WT1: variants seen among roughly 807,000 people sequenced by gnomAD.
WT1 encodes the protein WT1 transcription factor.
Under a neutral mutation model 60.8 loss-of-function variants are expected in WT1, and 8 were observed. That is an observed-to-expected ratio of 0.13 (90% CI 0.08 to 0.24). The LOEUF (loss-of-function observed/expected upper bound fraction) is 0.24. Among genes scored for constraint, WT1 ranks in the 10% least tolerant of loss-of-function variants. The pLI, the probability that WT1 is intolerant of heterozygous loss-of-function variation, is 1.00. For synonymous variants in WT1, 312 were observed against 297.1 expected (o/e 1.05, Z -0.52); for missense variants, 568 against 711.8 (o/e 0.80, Z 2.30).
intron 3 of WT1, among the ~76,000 whole-genome samples, chr11:32,419,229 G>A (rs922237632): frequency 2.6e-5 from 4 of 152,150 alleles, no homozygotes; most frequent in South Asian, 2.1e-4. Context: ...ATTTACCACA[G>A]GAGAGTTTCT....
chr11:32,427,267 G>C (rs2133069445), intron 3 of WT1, among the ~76,000 whole-genome samples: 1 of 152,378 alleles, frequency 6.6e-6, no homozygotes, highest in South Asian at 2.1e-4. Flanking sequence ...ATTTGGGGGA[G>C]AGAAGGTGGA....
At chr11:32,410,173 C>T (rs1852451437) in intron 5 of WT1, among the ~76,000 whole-genome samples, 1 of 152,120 alleles carries the variant, frequency 6.6e-6, no homozygotes, top group Non-Finnish European at 1.5e-5. Context: ...TCAAGTGATC[C>T]ACCTGCCTCG....
At chr11:32,389,842 G>A (rs1851766230) in intron 9 of WT1, among the ~76,000 whole-genome samples, 1 of 152,008 alleles carries the variant, frequency 6.6e-6, no homozygotes, top group Non-Finnish European at 1.5e-5. Context: ...AAAAGATTGA[G>A]GCTTCTCCAC....
chr11:32,399,972 C>T lies in WT1; in HGVS notation c.1089G>A (p.Thr363=), dbSNP rs1564975679. 6.2e-7 allele frequency: 1 copy of T among 1,614,150 alleles called. No individual in the cohort carries two copies. The highest frequency in any genetic ancestry group is 2.2e-5 in the East Asian group (1 of 44,884). The change falls in exon 6 of 10, where the codon ACG becomes ACA. Residue 363 remains threonine (T), a synonymous_variant. Transcript: ENST00000452863. ...CCTGAATGCCTCTGAAGACACCGTG[C>T]GTGTGTATTCTGTATTGGGCTCCGC...
intron 5 of WT1, among the ~76,000 whole-genome samples, chr11:32,404,252 G>C (rs10835900): frequency 0.29 from 40,075 of 137,334 alleles, 6,360 homozygotes; most frequent in East Asian, 0.69. Context: ...CTGGGCGACA[G>C]AGCAAGACTC....
At chr11:32,431,605 T>A (rs1853314475) in intron 1 of WT1, among the ~76,000 whole-genome samples, 1 of 38,736 alleles carries the variant, frequency 2.6e-5, no homozygotes, top group African/African-American at 4.0e-4. Context: ...CCCGGCCAAT[T>A]TTTTTTTTTG....
rs745663070 is a variant in WT1, at chr11:32,389,076, T to G, written c.1551A>C (p.Lys517Asn). 1.2e-6 allele frequency: 2 copies of G among 1,613,990 alleles called. No individual in the cohort carries two copies. The highest frequency in any genetic ancestry group is 1.7e-6 in the Non-Finnish European group (2 of 1,179,984). Residue 517 changes from lysine (K) to asparagine (N), a missense_variant, in exon 10 of 10, where the codon AAA becomes AAC. Around this residue, in one of 3 missense-constraint regions of WT1, gnomAD observed 29 missense variants for 46.8 expected, o/e 0.62. Transcript: ENST00000452863. ...AGACCCCTCAAAGCGCCAGCTGGAG[T>G]TTGGTCATGTTTCTCTGATGCATGT...
intron 5 of WT1, chr11:32,400,297 C>A (rs2132961334): frequency 1.8e-6 from 1 of 557,598 alleles, no homozygotes; most frequent in East Asian, 3.2e-5. Flanking sequence ...CGGTCTAGGT[C>A]TCGCTCAGAC....
chr11:32,399,542 G>A (rs975748906), intron 6 of WT1, among the ~76,000 whole-genome samples: 1 of 152,194 alleles, frequency 6.6e-6, no homozygotes, highest in African/African-American at 2.4e-5. Flanking sequence ...TTAGTATGAT[G>A]ATCATCAACA....
intron 6 of WT1, among the ~76,000 whole-genome samples, chr11:32,399,026 G>C (rs1355838743): frequency 2.0e-5 from 3 of 151,460 alleles, no homozygotes; most frequent in African/African-American, 7.3e-5. Context: ...CGTGGTGGTG[G>C]GCACCTGTAG....
chr11:32,408,540 A>AAAAAAAAAAAAAAAAAAAAAAAG (rs1852396811), intron 5 of WT1, among the ~76,000 whole-genome samples: 1 of 137,312 alleles, frequency 7.3e-6, no homozygotes, highest in Non-Finnish European at 1.5e-5. Flanking sequence ...AAAAAAAAAA[A>AAAAAAAAAAAAAAAAAAAAAAAG]AAAGAAAGAA....
At chr11:32,390,056 G>A (rs1231942709) in intron 9 of WT1, among the ~76,000 whole-genome samples, 1 of 152,184 alleles carries the variant, frequency 6.6e-6, no homozygotes, top group Non-Finnish European at 1.5e-5. Flanking sequence ...ATTGAGGGCA[G>A]ATCCAGGCAG....
Position 32,427,873 on chromosome 11 carries a change from G to A in WT1, c.887+83C>T, listed in dbSNP as rs540084316. On this transcript the variant is annotated intron_variant, in intron 3 of 9. Coordinates refer to ENST00000452863, the MANE Select transcript of WT1 (RefSeq NM_024426.6). Reference sequence around the variant, plus strand: ...GCATGCCCGCAGTCAGGGCTGCCCGGCTGGGGCGTTCCCAAGTCCGCCGGC... The same window carrying A: ...GCATGCCCGCAGTCAGGGCTGCCCGACTGGGGCGTTCCCAAGTCCGCCGGC... 209 of 1,376,386 alleles carry A rather than the reference G, an allele frequency of 1.5e-4. 2 individuals carry two copies. The South Asian group carries it at 2.7e-3, about 18-fold the overall frequency. 85.3% of individuals were successfully genotyped at this position (1,376,386 alleles called of 1,614,324 possible).
At chr11:32,432,082 T>C (rs752612203) in intron 1 of WT1, among the ~76,000 whole-genome samples, 1 of 152,222 alleles carries the variant, frequency 6.6e-6, no homozygotes, top group Non-Finnish European at 1.5e-5. Context: ...AGGCGATTGA[T>C]GTTTGCTAAA....
Position 32,388,003 on chromosome 11 carries a change from AACACACAC to A in WT1, c.*1047_*1054del, listed in dbSNP as rs58549495. 0.039 allele frequency: 8,716 copies of A among 225,564 alleles called. 78 individuals carry two copies. Among genetic ancestry groups the A allele is most frequent in the East Asian group, 0.088 (1,248 of 14,248 alleles). The allele number at this position is 225,564 out of a possible 1,614,324, so 14.0% of individuals were successfully genotyped here. ...TCCCTTAAAAAACAAAACACAACAC[AACACACAC>A]ACACACACACACACACACACACACA... On this transcript the variant is annotated 3_prime_UTR_variant, in exon 10 of 10. Coordinates refer to ENST00000452863, the MANE Select transcript of WT1 (RefSeq NM_024426.6).
At position 32,398,116 on chromosome 11, in the gene WT1, T is replaced by C. The variant is rs897032038; in HGVS notation, c.1114-1709A>G. Among the ~76,000 whole-genome samples, 6 of 152,176 alleles carry C rather than the reference T, an allele frequency of 3.9e-5. No individual in the cohort carries two copies. The South Asian group carries it at 1.2e-3, about 32-fold the overall frequency. On this transcript the variant is annotated intron_variant, in intron 6 of 9. Coordinates refer to ENST00000452863, the MANE Select transcript of WT1 (RefSeq NM_024426.6). ...TCCCTAAACCGTCGTCAGATTTCCG[T>C]ATTTCTGTAACCCTTGCCTTTATTG...
chr11:32,425,311 G>T (rs1460667414), intron 3 of WT1, among the ~76,000 whole-genome samples: 1 of 148,914 alleles, frequency 6.7e-6, no homozygotes, highest in Non-Finnish European at 1.5e-5. Context: ...TCCCCAGAAA[G>T]TCCCAAACTT....
intron 5 of WT1, among the ~76,000 whole-genome samples, chr11:32,400,811 TC>T (rs1371800375): frequency 1.3e-5 from 2 of 152,218 alleles, no homozygotes; most frequent in African/African-American, 4.8e-5. Flanking sequence ...TTATTTTACT[TC>T]CAGATGAGAT....
In WT1 at chr11:32,434,895, G is replaced by T; in HGVS notation, c.466C>A (p.Pro156Thr). Residue 156 changes from proline to threonine, a missense_variant, in exon 1 of 10, where the codon CCG becomes ACG. By Grantham distance (38) the Pro-to-Thr change is conservative. This residue lies in a region of WT1 where 523 missense variants were observed against 565.1 expected (regional missense o/e 0.93). Coordinates refer to ENST00000452863, the MANE Select transcript of WT1 (RefSeq NM_024426.6). ...GCGCTCAGGCACTGCTCCTCGTGCG[G>T]CTCCGCGCCGCCCCAGCTCGGCTCC... 1 of 1,611,588 alleles carries T rather than the reference G, an allele frequency of 6.2e-7. No homozygotes were observed. The highest frequency in any genetic ancestry group is 8.5e-7 in the Non-Finnish European group (1 of 1,179,634).
Sources: gnomAD v4.1 joint callset for allele counts (sites outside exome capture counted in the v4.1 genomes callset) on GRCh38, gnomAD v4.1.1 for gene constraint, gnomAD v4.1.1 regional missense constraint, MANE v1.5 for transcripts, NCBI Gene and HGNC (gene_info 2026-07-23, HGNC 2026-07-21) for gene names.